The following CDKL1 variants were observed in gnomAD, a reference collection of about 807,000 sequenced individuals.
CDKL1 encodes the protein cyclin dependent kinase like 1, also known as cyclin-dependent kinase-like 1.
A neutral mutation model predicts 42.0 loss-of-function variants in CDKL1; 41 were observed. The ratio of observed to expected loss-of-function variants is 0.98; its 90% CI spans 0.76 to 1.27. The LOEUF (loss-of-function observed/expected upper bound fraction) is 1.27, where lower values mean the gene tolerates loss of function less well. CDKL1 is among the 50% of genes most tolerant of loss of function. CDKL1 has a pLI of 0.00. For synonymous variants in CDKL1, 153 were observed against 158.6 expected, an observed-to-expected ratio of 0.96 and a Z score of 0.26; for missense variants, 394 against 428.4, an observed-to-expected ratio of 0.92 and a Z score of 0.71.
chr14:50,334,470 A>G (rs2033143674), intron 8 of CDKL1, 95 bp downstream of exon 8: 1 of 797,606 alleles, frequency 1.3e-6, no homozygotes, highest in Non-Finnish European at 2.2e-6. Flanking sequence ...TAAAAGGAAC[A>G]CTTTTCATTG....
intron 2 of CDKL1, among the ~76,000 whole-genome samples, chr14:50,391,117 G>A (rs2035245451): frequency 1.3e-5 from 2 of 152,156 alleles, no homozygotes; most frequent in Non-Finnish European, 2.9e-5. Flanking sequence ...ACAAGCGTGA[G>A]CCACCACACC....
intron 2 of CDKL1, among the ~76,000 whole-genome samples, chr14:50,386,546 A>C (rs952263671): frequency 2.0e-5 from 3 of 152,180 alleles, no homozygotes; most frequent in African/African-American, 7.2e-5. Flanking sequence ...CCACTTCTGT[A>C]TATTTTGATT....
intron 2 of CDKL1, among the ~76,000 whole-genome samples, chr14:50,368,372 C>G (rs1336233093): frequency 1.3e-5 from 2 of 152,218 alleles, no homozygotes; most frequent in East Asian, 3.9e-4. Flanking sequence ...CCTCTTCCCT[C>G]AGCCTCCTCA....
intron 6 of CDKL1, 80 bp from the exon 7 acceptor site, chr14:50,339,109 TTGTC>T (rs1180335625): frequency 7.0e-6 from 7 of 1,006,284 alleles, no homozygotes; most frequent in African/African-American, 6.3e-5. Flanking sequence ...AATGCTGTGT[TTGTC>T]TGTGCCCATA....
chr14:50,345,357 A>T (rs1286595340), intron 3 of CDKL1, among the ~76,000 whole-genome samples: 1 of 152,246 alleles, frequency 6.6e-6, no homozygotes, highest in African/African-American at 2.4e-5. Context: ...CATCTGTGAC[A>T]CCACTGGGAA....
In CDKL1 at chr14:50,370,419, C is replaced by CATGCT. The variant is rs1422706002; in HGVS notation, c.169-11275_169-11271dup. 5.3e-5 allele frequency among the ~76,000 whole-genome samples: 8 copies of CATGCT among 152,282 alleles called. No individual in the cohort carries two copies. In the East Asian group the frequency reaches 1.5e-3, roughly 29 times the overall value. On this transcript the variant is annotated intron_variant, in intron 2 of 9. Coordinates refer to ENST00000395834, the MANE Select transcript of CDKL1 (RefSeq NM_004196.7). ...ATACATAATTAACAACTGTATTCAC[C>CATGCT]ATGCTGTGCAACAGATCTTGGAAAT...
rs551562649 is a variant in CDKL1 at position 50,370,067 on chromosome 14, CA to C, written c.169-10919del. Among the ~76,000 whole-genome samples, 342 of 151,136 alleles carry C rather than the reference CA, an allele frequency of 2.3e-3. 1 individual carries two copies. In the Middle Eastern group the frequency reaches 0.048, roughly 21 times the overall value. On this transcript the variant is annotated intron_variant, in intron 2 of 9. Transcript: ENST00000395834. ...GAACATTTGAAATCTACTCTTTTAG[CA>C]ATTTTTTTTTTTTTCTTTGAGACAG...
intron 8 of CDKL1, chr14:50,332,906 T>A: frequency 1.3e-5 from 1 of 76,508 alleles, no homozygotes; most frequent in Non-Finnish European, 2.4e-5. Context: ...TCAGCTACTT[T>A]TTTTTTTTTT....
At chr14:50,369,439 T>C (rs1055745365) in intron 2 of CDKL1, among the ~76,000 whole-genome samples, 1 of 152,212 alleles carries the variant, frequency 6.6e-6, no homozygotes, top group Non-Finnish European at 1.5e-5. Flanking sequence ...AAGTGAAATA[T>C]TTAATATGTC....
At chr14:50,334,695 A>G (rs2139369958) in intron 7 of CDKL1, 74 bp from the exon 8 acceptor site, 1 of 963,356 alleles carries the variant, frequency 1.0e-6, no homozygotes, top group Middle Eastern at 2.9e-4. Context: ...AAATCTTTTG[A>G]TAGAAACATT....
intron 3 of CDKL1, chr14:50,357,956 A>C: frequency 3.9e-6 from 3 of 765,482 alleles, no homozygotes; most frequent in Non-Finnish European, 6.1e-6. Context: ...AACAGCCACT[A>C]CCTACGTTGC....
In CDKL1 at chr14:50,332,334, T is replaced by G. The variant is rs774007127; in HGVS notation, c.894A>C (p.Lys298Asn). The G allele has an allele frequency of 6.2e-7, 1 of 1,614,230 alleles. No individual in the cohort carries two copies. The highest frequency in any genetic ancestry group is 2.2e-5 in the East Asian group (1 of 44,892). The change falls in exon 9 of 10, where the codon AAA (lysine) becomes AAC (asparagine). Residue 298 changes from lysine (K) to asparagine (N), a missense_variant. Lys to Asn is a moderately conservative substitution (Grantham distance 94, BLOSUM62 0). Coordinates refer to ENST00000395834, the MANE Select transcript of CDKL1 (RefSeq NM_004196.7). ...ENIREIEDLA[K>N]EHNKPTRKTL... Reference sequence around the variant, plus strand: ...TCTTCCTTGTTGGTTTGTTGTGTTCTTTTGCCAAATCCTCTATTTCTCTGA... The same window carrying G: ...TCTTCCTTGTTGGTTTGTTGTGTTCGTTTGCCAAATCCTCTATTTCTCTGA...
intron 2 of CDKL1, among the ~76,000 whole-genome samples, chr14:50,387,031 A>AGAAAAAAG (rs1555345098): frequency 6.6e-6 from 1 of 150,540 alleles, no homozygotes; most frequent in South Asian, 2.1e-4. Context: ...CGTCTCAAAA[A>AGAAAAAAG]GAAAAAAAAA....
At chr14:50,347,925 A>G (rs1470426014) in intron 3 of CDKL1, among the ~76,000 whole-genome samples, 1 of 152,216 alleles carries the variant, frequency 6.6e-6, no homozygotes, top group Admixed American at 6.5e-5. Context: ...AGGAGAATAC[A>G]GTATCACAGG....
At chr14:50,334,797 C>T in intron 7 of CDKL1, 176 bp from the exon 8 acceptor site, 3 of 556,354 alleles carry the variant, frequency 5.4e-6, no homozygotes, top group Non-Finnish European at 9.5e-6. Context: ...AGCTTTCTCT[C>T]CCCACCTCCA....
chr14:50,330,841 GT>G (rs1203853890), intron 9 of CDKL1: 1 of 152,220 alleles, frequency 6.6e-6, no homozygotes, highest in African/African-American at 2.4e-5. Context: ...AAAGGGAACT[GT>G]TTAGTACTTT....
rs777184756 is a variant in CDKL1, at chr14:50,377,690, T to G, written c.168+18011A>C. The G allele has an allele frequency of 7.6e-6, 10 of 1,320,856 alleles. No individual in the cohort carries two copies. The South Asian group carries it at 1.3e-4, about 17-fold the overall frequency. 81.8% of individuals were successfully genotyped at this position (1,320,856 alleles called of 1,614,324 possible). A position where few individuals can be genotyped will look rare whatever the true frequency, so the allele number is the denominator to read the frequency against. ...AGCAACACAGTCACTAAGCCTTTTG[T>G]CAGGGCTGGTTTTGAATGGGGTGTA... is the stretch of plus-strand genomic sequence containing the variant. On this transcript the variant is annotated intron_variant, in intron 2 of 9. Transcript: ENST00000395834.
chr14:50,334,639 G>C lies in CDKL1; in HGVS notation c.739-18C>G. On this transcript the variant is annotated intron_variant, in intron 7 of 9. Coordinates refer to ENST00000395834, the MANE Select transcript of CDKL1 (RefSeq NM_004196.7). Reference sequence around the variant, plus strand: ...AGTGGTTCCTGTTGAAAAGAAAAGAGGTTTTTAATTTACAGCATGTATTCA... The same window carrying C: ...AGTGGTTCCTGTTGAAAAGAAAAGACGTTTTTAATTTACAGCATGTATTCA... The C allele has an allele frequency of 6.7e-7, 1 of 1,500,508 alleles. No homozygotes were observed. Among genetic ancestry groups the C allele is most frequent in the Non-Finnish European group, 9.3e-7 (1 of 1,076,816 alleles). 92.9% of individuals were successfully genotyped at this position (1,500,508 alleles called of 1,614,324 possible).
chr14:50,392,489 A>AATAATAATAATAATAATG (rs138572340), intron 2 of CDKL1, among the ~76,000 whole-genome samples: 6 of 147,284 alleles, frequency 4.1e-5, no homozygotes, highest in Admixed American at 2.0e-4. Flanking sequence ...TAATAATAAT[A>AATAATAATAATAATAATG]ATGAAAGAAC....
Sources: gnomAD v4.1 joint callset for allele counts (sites outside exome capture counted in the v4.1 genomes callset) on GRCh38, gnomAD v4.1.1 for gene constraint, MANE v1.5 for transcripts, NCBI Gene and HGNC (gene_info 2026-07-23, HGNC 2026-07-21) for gene names.